LSM1: variants seen among roughly 807,000 people sequenced by gnomAD.
LSM1 encodes U6 snRNA-associated Sm-like protein LSm1.
LSM1 carries 13 observed loss-of-function variants against 18.0 expected under a neutral mutation model. That is an observed-to-expected ratio of 0.72 (90% CI 0.47 to 1.15). LSM1 has a LOEUF of 1.15. Ranked by LOEUF, LSM1 falls within the 50% of genes most tolerant of loss-of-function variation. LSM1 has a pLI of 0.00. For synonymous variants in LSM1, 46 were observed against 56.0 expected, an observed-to-expected ratio of 0.82 and a Z score of 0.80; for missense variants, 152 against 157.7, an observed-to-expected ratio of 0.96 and a Z score of 0.19.
chr8:38,176,632 C>T, upstream of LSM1: 1 of 572,288 alleles, frequency 1.7e-6, no homozygotes, highest in Non-Finnish European at 3.0e-6. Flanking sequence ...GAAACGTATA[C>T]TCCCTCTTAA....
chr8:38,176,315 G>A lies in LSM1; in HGVS notation c.6C>T (p.Asn2=), dbSNP rs1452199961. The part of the protein sequence containing the change: M[N]YMPGTASLIE... ...TGAGGCTGGCGGTGCCAGGCATATAGTTCATTTTGAACTGAAATAATGCTG... is the reference window on the plus strand; with the variant it reads ...TGAGGCTGGCGGTGCCAGGCATATAATTCATTTTGAACTGAAATAATGCTG... Residue 2 remains asparagine (N), a synonymous_variant, in exon 1 of 4, where the codon AAC becomes AAT. Transcript: ENST00000311351. The A allele has an allele frequency of 1.9e-6, 3 of 1,612,800 alleles. No homozygotes were observed. Among genetic ancestry groups the A allele is most frequent in the South Asian group, 1.1e-5 (1 of 90,710 alleles).
At chr8:38,167,814 T>TGAG (rs1802961439) in intron 3 of LSM1, among the ~76,000 whole-genome samples, 1 of 151,986 alleles carries the variant, frequency 6.6e-6, no homozygotes, top group Admixed American at 6.6e-5. Context: ...CTTGGGAGGC[T>TGAG]GAGACAGGAG....
chr8:38,169,258 C>A (rs1330391403), intron 3 of LSM1, among the ~76,000 whole-genome samples: 1 of 152,170 alleles, frequency 6.6e-6, no homozygotes, highest in African/African-American at 2.4e-5. Flanking sequence ...CTCAGAAAAT[C>A]TGATTTAACC....
intron 1 of LSM1, among the ~76,000 whole-genome samples, chr8:38,174,821 G>C (rs984328746): frequency 1.3e-5 from 2 of 151,852 alleles, no homozygotes; most frequent in African/African-American, 4.8e-5. Flanking sequence ...TCAGGAGTTG[G>C]AGACCAGACT....
At chr8:38,167,344 C>G (rs192855227) in intron 3 of LSM1, among the ~76,000 whole-genome samples, 1 of 152,114 alleles carries the variant, frequency 6.6e-6, no homozygotes, top group Non-Finnish European at 1.5e-5. Context: ...AGAAGCATAT[C>G]TGTGAATATT....
At chr8:38,173,026 G>A (rs1476426913) in intron 1 of LSM1, among the ~76,000 whole-genome samples, 1 of 152,202 alleles carries the variant, frequency 6.6e-6, no homozygotes, top group East Asian at 1.9e-4. Context: ...GCAGTATGAT[G>A]AAGGGAGAGA....
In LSM1 at chr8:38,164,848, CA is replaced by C. The variant is rs780413883; in HGVS notation, c.232-1009del. Among the ~76,000 whole-genome samples the C allele has an allele frequency of 7.8e-4, 119 of 152,102 alleles. 1 individual carries two copies. Among genetic ancestry groups the C allele is most frequent in the Non-Finnish European group, 4.7e-4 (32 of 67,986 alleles). On this transcript the variant is annotated intron_variant, in intron 3 of 3. Coordinates refer to ENST00000311351, the MANE Select transcript of LSM1 (RefSeq NM_014462.3). The stretch of plus-strand genomic sequence containing the variant: ...GACCGTCTCAAAAAAAGTAAAAAGA[CA>C]AAAATAAAAAGGGATCCTCTTGCCT...
At chr8:38,168,096 G>A (rs1244755409) in intron 3 of LSM1, among the ~76,000 whole-genome samples, 3 of 151,650 alleles carry the variant, frequency 2.0e-5, no homozygotes, top group Non-Finnish European at 2.9e-5. Context: ...CAAGTAGCTG[G>A]GACTACAGGC....
chr8:38,163,839 T>C lies in LSM1; in HGVS notation c.233A>G (p.Asp78Gly). Reference protein sequence around the residue: ...GENVVLLGEIDLEKESDTPLQ... With the variant: ...GENVVLLGEIGLEKESDTPLQ... Reference sequence around the variant, plus strand: ...GGGTGTGTCACTCTCCTTTTCCAAGTCCTACAAAAGAGACAGGTTTGAAAA... The same window carrying C: ...GGGTGTGTCACTCTCCTTTTCCAAGCCCTACAAAAGAGACAGGTTTGAAAA... The change falls in exon 4 of 4, where the codon GAC (aspartate) becomes GGC (glycine). Residue 78 changes from aspartate (D) to glycine (G), a missense_variant and splice_region_variant. Transcript: ENST00000311351. 6.2e-7 allele frequency: 1 copy of C among 1,613,992 alleles called. No individual in the cohort carries two copies. Among genetic ancestry groups the C allele is most frequent in the African/African-American group, 1.3e-5 (1 of 75,040 alleles).
At chr8:38,171,523 TG>T (rs1215616031) in intron 2 of LSM1, among the ~76,000 whole-genome samples, 1 of 151,968 alleles carries the variant, frequency 6.6e-6, no homozygotes, top group Non-Finnish European at 1.5e-5. Context: ...AAAAATTAGC[TG>T]GGGGTGGTGG....
At chr8:38,175,193 G>A (rs1353268015) in intron 1 of LSM1, among the ~76,000 whole-genome samples, 1 of 148,382 alleles carries the variant, frequency 6.7e-6, no homozygotes, top group Non-Finnish European at 1.5e-5. Context: ...CGATTCTCCC[G>A]CCTCAGCCTC....
In LSM1 at chr8:38,164,243, C is replaced by A. The variant is rs375917571; in HGVS notation, c.232-403G>T. ...CTAATTTTTGTATTTTAAGTAGAGACAGGGTTTCACCACGTTGGTCAGGCT... is the reference window on the plus strand; with the variant it reads ...CTAATTTTTGTATTTTAAGTAGAGAAAGGGTTTCACCACGTTGGTCAGGCT... On this transcript the variant is annotated intron_variant, in intron 3 of 3. Transcript: ENST00000311351. Among the ~76,000 whole-genome samples, 141 of 152,214 alleles carry A rather than the reference C, an allele frequency of 9.3e-4. No individual in the cohort carries two copies. In the East Asian group the frequency reaches 0.022, roughly 23 times the overall value.
At chr8:38,171,775 G>A (rs757921750) in intron 2 of LSM1, among the ~76,000 whole-genome samples, 190 bp downstream of exon 2, 3 of 152,190 alleles carry the variant, frequency 2.0e-5, no homozygotes, top group Admixed American at 2.0e-4. Context: ...AAACGAGCTT[G>A]GAAATATATA....
At chr8:38,171,739 G>C (rs1279752424) in intron 2 of LSM1, among the ~76,000 whole-genome samples, 1 of 152,140 alleles carries the variant, frequency 6.6e-6, no homozygotes, top group African/African-American at 2.4e-5. Flanking sequence ...CCCCCTACTG[G>C]GGATTCTACT....
In LSM1 at chr8:38,176,207, G is replaced by A; in HGVS notation, c.46+68C>T. 4 of 1,410,496 alleles carry A rather than the reference G, an allele frequency of 2.8e-6. No homozygotes were observed. In the South Asian group the frequency reaches 3.5e-5, roughly 12 times the overall value. The allele number at this position is 1,410,496 out of a possible 1,614,324, so 87.4% of individuals were successfully genotyped here. A position where few individuals can be genotyped will look rare whatever the true frequency, so the allele number is the denominator to read the frequency against. On this transcript the variant is annotated intron_variant, in intron 1 of 3. Coordinates refer to ENST00000311351, the MANE Select transcript of LSM1 (RefSeq NM_014462.3). ...CGGGACTCATTCTACAAGCTTCTTCGGAAGAGGCGCCCGCCCGGGAGGAAG... is the reference window on the plus strand; with the variant it reads ...CGGGACTCATTCTACAAGCTTCTTCAGAAGAGGCGCCCGCCCGGGAGGAAG...
intron 1 of LSM1, among the ~76,000 whole-genome samples, chr8:38,175,487 CAT>C (rs1207177954): frequency 1.3e-5 from 2 of 152,080 alleles, no homozygotes; most frequent in African/African-American, 2.4e-5. Flanking sequence ...AGAAAGATCA[CAT>C]GATTAAAACA....
chr8:38,166,766 C>T (rs1489791604), intron 3 of LSM1, among the ~76,000 whole-genome samples: 1 of 152,190 alleles, frequency 6.6e-6, no homozygotes, highest in African/African-American at 2.4e-5. Context: ...GCTCTAGGTC[C>T]AAAGTTAACA....
chr8:38,176,240 CCCCGGGCTCCA>C, intron 1 of LSM1, 24 bp downstream of exon 1: 3 of 1,603,626 alleles, frequency 1.9e-6, no homozygotes. Flanking sequence ...AAGGGTCTAA[CCCCGGGCTCCA>C]CCGGGAGGAG....
intron 1 of LSM1, among the ~76,000 whole-genome samples, chr8:38,174,591 A>C (rs1185310510): frequency 6.6e-6 from 1 of 152,048 alleles, no homozygotes; most frequent in Admixed American, 6.6e-5. Context: ...ATATAAGGAG[A>C]GATGAGGGCA....
Sources: gnomAD v4.1 joint callset for allele counts (sites outside exome capture counted in the v4.1 genomes callset) on GRCh38, gnomAD v4.1.1 for gene constraint, MANE v1.5 for transcripts, NCBI Gene and HGNC (gene_info 2026-07-23, HGNC 2026-07-21) for gene names.